Variants in ALDH7A1 observed in about 807,000 individuals in gnomAD.
The protein encoded by ALDH7A1 is aldehyde dehydrogenase 7 family member A1, also known as alpha-aminoadipic semialdehyde dehydrogenase.
In ALDH7A1, 63 loss-of-function variants were observed where a neutral mutation model predicts 79.9. The ratio of observed to expected loss-of-function variants is 0.79; its 90% CI spans 0.64 to 0.97. The LOEUF (loss-of-function observed/expected upper bound fraction) is 0.97, where lower values mean the gene tolerates loss of function less well. ALDH7A1 is among the 50% of genes least tolerant of loss of function. The probability of loss-of-function intolerance (pLI) is 0.00; values close to 1 mark genes in which losing one functional copy is unlikely to be tolerated. For missense variants in ALDH7A1, 627 were observed against 665.2 expected, an observed-to-expected ratio of 0.94 and a Z score of 0.63; for synonymous variants, 240 against 231.2, an observed-to-expected ratio of 1.04 and a Z score of -0.34.
In ALDH7A1 at chr5:126,549,981, G is replaced by A. The variant is rs1342316602; in HGVS notation, c.1437C>T (p.Gly479=). 6.2e-7 allele frequency: 1 copy of A among 1,614,118 alleles called. No individual in the cohort carries two copies. Among genetic ancestry groups the A allele is most frequent in the Non-Finnish European group, 8.5e-7 (1 of 1,180,004 alleles). ...TTGTTGGAATGTTGACATTTACAAT[G>A]CCACAGTCTGATCCTTTAGGTCTGT... ...RWLGPKGSDC[G]IVNVNIPTSG... is the part of the protein sequence containing the mutation. Residue 479 remains glycine (G), a synonymous_variant, in exon 16 of 18, where the codon GGC becomes GGT. Transcript: ENST00000409134.
In ALDH7A1 at chr5:126,559,351, C is replaced by T; in HGVS notation, c.914-17G>A. The T allele has an allele frequency of 6.2e-7, 1 of 1,601,268 alleles. No homozygotes were observed. The highest frequency in any genetic ancestry group is 8.6e-7 in the Non-Finnish European group (1 of 1,169,052). Reference sequence around the variant, plus strand: ...CTTCAAAGGCTTAGGAAAGCACAAACACTTCCATCAGCGAACCAAAACAGG... The same window carrying T: ...CTTCAAAGGCTTAGGAAAGCACAAATACTTCCATCAGCGAACCAAAACAGG... On this transcript the variant is annotated splice_polypyrimidine_tract_variant and intron_variant, in intron 10 of 17. Transcript: ENST00000409134.
chr5:126,554,220 C>G lies in ALDH7A1; in HGVS notation c.1200+67G>C, dbSNP rs149848023. The G allele has an allele frequency of 1.4e-5, 19 of 1,370,948 alleles. No homozygotes were observed. In the East Asian group the frequency reaches 4.3e-4, roughly 31 times the overall value. 84.9% of individuals were successfully genotyped at this position (1,370,948 alleles called of 1,614,324 possible). A position where few individuals can be genotyped will look rare whatever the true frequency, so the allele number is the denominator to read the frequency against. ...GGTGGCTTTTCCAATATGCCCAGAG[C>G]CCTGCTTGTGTCTCAGGGAAAAGAA... On this transcript the variant is annotated intron_variant, in intron 13 of 17. Transcript: ENST00000409134.
intron 10 of ALDH7A1, 80 bp downstream of exon 10, chr5:126,561,003 C>A (rs1048529430): frequency 1.3e-6 from 2 of 1,503,458 alleles, no homozygotes; most frequent in African/African-American, 1.4e-5. Context: ...GAAATGAGAT[C>A]CCAAACAAGT....
chr5:126,556,874 A>C (rs1750213852), intron 11 of ALDH7A1, among the ~76,000 whole-genome samples: 1 of 152,240 alleles, frequency 6.6e-6, no homozygotes, highest in South Asian at 2.1e-4. Context: ...AATTGACATT[A>C]TGAGAACTAG....
intron 6 of ALDH7A1, among the ~76,000 whole-genome samples, chr5:126,575,836 T>C (rs1750945943): frequency 6.6e-6 from 1 of 152,220 alleles, no homozygotes; most frequent in African/African-American, 2.4e-5. Context: ...AACTACACAA[T>C]GAACCTTTTT....
At chr5:126,553,141 C>G (rs1750062509) in intron 13 of ALDH7A1, among the ~76,000 whole-genome samples, 2 of 152,276 alleles carry the variant, frequency 1.3e-5, no homozygotes, top group East Asian at 3.9e-4. Flanking sequence ...TATAATTGCT[C>G]TGAATACAAA....
rs1480786817 is a variant in ALDH7A1, at chr5:126,583,904, T to C, written c.393+28A>G. On this transcript the variant is annotated intron_variant, in intron 4 of 17. Transcript: ENST00000409134. The stretch of plus-strand genomic sequence containing the variant: ...ACAGCCTTATTGTCCACTCAAAGAA[T>C]TGTGTATATACTACAAAAATACTTT... 10 of 1,568,604 alleles carry C rather than the reference T, an allele frequency of 6.4e-6. No individual in the cohort carries two copies. The Admixed American group carries it at 1.0e-4, about 16-fold the overall frequency.
intron 7 of ALDH7A1, among the ~76,000 whole-genome samples, chr5:126,573,286 G>C (rs1750842121): frequency 6.6e-6 from 1 of 150,504 alleles, no homozygotes; most frequent in Non-Finnish European, 1.5e-5. Context: ...TTAGGCCAGG[G>C]GCAGTGGCTC....
intron 10 of ALDH7A1, among the ~76,000 whole-genome samples, chr5:126,560,364 G>A (rs942817115): frequency 2.4e-4 from 37 of 152,054 alleles, no homozygotes; most frequent in African/African-American, 8.2e-4. Flanking sequence ...CCAGCTACTC[G>A]GGAGGCTGAG....
At chr5:126,583,308 T>A (rs966869466) in intron 4 of ALDH7A1, among the ~76,000 whole-genome samples, 2 of 145,984 alleles carry the variant, frequency 1.4e-5, no homozygotes, top group African/African-American at 5.1e-5. Flanking sequence ...TGGTGAAACT[T>A]TGTCTCTACT....
intron 9 of ALDH7A1, among the ~76,000 whole-genome samples, chr5:126,566,152 T>C (rs1661246067): frequency 6.6e-6 from 1 of 152,180 alleles, no homozygotes; most frequent in African/African-American, 2.4e-5. Flanking sequence ...TTGCATTGAA[T>C]CTGTAATCAT....
rs991017330 is a variant in ALDH7A1, at chr5:126,577,330, G to A, written c.518-119C>T. 1.0e-5 allele frequency: 13 copies of A among 1,296,148 alleles called. No individual in the cohort carries two copies. The Admixed American group carries it at 2.4e-4, about 24-fold the overall frequency. 80.3% of individuals were successfully genotyped at this position (1,296,148 alleles called of 1,614,324 possible). A position where few individuals can be genotyped will look rare whatever the true frequency, so the allele number is the denominator to read the frequency against. On this transcript the variant is annotated intron_variant, in intron 5 of 17. Coordinates refer to ENST00000409134, the MANE Select transcript of ALDH7A1 (RefSeq NM_001182.5). Reference sequence around the variant, plus strand: ...TCCAGATGCCTTATAGTGGGAAATTGCTACACAGCCATGGGATATCAGTAC... The same window carrying A: ...TCCAGATGCCTTATAGTGGGAAATTACTACACAGCCATGGGATATCAGTAC...
chr5:126,594,192 T>C, intron 1 of ALDH7A1: 1 of 471,096 alleles, frequency 2.1e-6, no homozygotes, highest in Non-Finnish European at 4.4e-6. Context: ...GGAGAAATGC[T>C]GAAAATCCAG....
rs1749700203 is a variant in ALDH7A1 at position 126,543,964 on chromosome 5, C to CATT, written c.*1000_*1001insAAT. On this transcript the variant is annotated 3_prime_UTR_variant, in exon 18 of 18. Transcript: ENST00000409134. ...GGTTGTATAAAAAAATCCAGATGCA[C>CATT]TTTTTTTTTTTTTTTTTTTTGTAGA... 1 of 122,062 alleles carries CATT rather than the reference C, an allele frequency of 8.2e-6. No homozygotes were observed. The highest frequency in any genetic ancestry group is 1.7e-5 in the Non-Finnish European group (1 of 59,962). The allele number at this position is 122,062 out of a possible 1,614,324, so 7.6% of individuals were successfully genotyped here.
chr5:126,550,404 G>A (rs551164555), intron 14 of ALDH7A1, 111 bp from the exon 15 acceptor site: 9 of 815,554 alleles, frequency 1.1e-5, no homozygotes, highest in Middle Eastern at 2.3e-4. Context: ...TGTACAAAAG[G>A]AAACCAAAGA....
chr5:126,590,070 C>T (rs1266545217), intron 3 of ALDH7A1, among the ~76,000 whole-genome samples: 3 of 151,216 alleles, frequency 2.0e-5, no homozygotes, highest in African/African-American at 7.3e-5. Flanking sequence ...AGCGCCTCTG[C>T]CCAGCTGCCA....
At chr5:126,560,960 AG>A in intron 10 of ALDH7A1, 122 bp downstream of exon 10, 1 of 1,060,870 alleles carries the variant, frequency 9.4e-7, no homozygotes, top group Non-Finnish European at 1.4e-6. Flanking sequence ...TCCTAAACAC[AG>A]GAACTAGGTC....
intron 5 of ALDH7A1, among the ~76,000 whole-genome samples, chr5:126,578,127 G>GA (rs953386631): frequency 2.7e-5 from 4 of 150,066 alleles, no homozygotes; most frequent in African/African-American, 9.8e-5. Context: ...TGTCTCTACT[G>GA]AAAAAACAAA....
At chr5:126,575,519 T>C in intron 6 of ALDH7A1, 55 bp from the exon 7 acceptor site, 1 of 1,484,122 alleles carries the variant, frequency 6.7e-7, no homozygotes, top group Non-Finnish European at 9.2e-7. Context: ...ACGGAAACCA[T>C]AAATACCTTT....
Sources: allele counts gnomAD v4.1 joint callset (sites outside exome capture counted in the v4.1 genomes callset), GRCh38; gene constraint gnomAD v4.1.1; transcripts MANE v1.5; gene names NCBI Gene and HGNC (gene_info 2026-07-23, HGNC 2026-07-21).